MMS22L: variants seen among roughly 807,000 people sequenced by gnomAD.
The protein encoded by MMS22L is protein MMS22-like.
Under a neutral mutation model 159.1 loss-of-function variants are expected in MMS22L, and 74 were observed. The ratio of observed to expected loss-of-function variants is 0.47; its 90% CI spans 0.39 to 0.56. The LOEUF (loss-of-function observed/expected upper bound fraction) is 0.56. MMS22L is among the 20% of genes least tolerant of loss of function. The pLI is 0.00. For synonymous variants in MMS22L, 517 were observed against 506.9 expected (o/e 1.02, Z -0.27); for missense variants, 1,351 against 1,422.1 (o/e 0.95, Z 0.80).
At chr6:97,208,891 C>T (rs987757591) in intron 14 of MMS22L, among the ~76,000 whole-genome samples, 1 of 151,982 alleles carries the variant, frequency 6.6e-6, no homozygotes, top group African/African-American at 2.4e-5. Context: ...TGTATCGCTA[C>T]CTAAAAAACA....
chr6:97,170,170 T>C (rs766790507), intron 19 of MMS22L, among the ~76,000 whole-genome samples: 7 of 152,162 alleles, frequency 4.6e-5, no homozygotes, highest in Non-Finnish European at 8.8e-5. Context: ...CTATCTGCGG[T>C]TTCAGGCATC....
rs141771898 is a variant in MMS22L, at chr6:97,278,038, T to A, written c.340+811A>T. ...GTGACAAGGCCATGATTCTAAACAC[T>A]GCACTGCACCAAAATTACTAGAAAG... On this transcript the variant is annotated intron_variant, in intron 4 of 24. Transcript: ENST00000683635. Among the ~76,000 whole-genome samples the A allele has an allele frequency of 5.9e-5, 9 of 152,276 alleles. No homozygotes were observed. The East Asian group carries it at 1.7e-3, about 29-fold the overall frequency.
At chr6:97,168,628 C>CT (rs1324658681) in intron 19 of MMS22L, among the ~76,000 whole-genome samples, 3 of 152,020 alleles carry the variant, frequency 2.0e-5, no homozygotes, top group Non-Finnish European at 4.4e-5. Flanking sequence ...GGGTGCTCAA[C>CT]TGGTTAAGTA....
rs1816736463 is a variant in MMS22L, at chr6:97,281,315, G to A, written c.212C>T (p.Thr71Ile). Residue 71 changes from threonine to isoleucine, a missense_variant, in exon 3 of 25, where the codon ACC becomes ATC. Thr to Ile is a moderately conservative substitution (Grantham distance 89). Coordinates refer to ENST00000683635, the MANE Select transcript of MMS22L (RefSeq NM_001350599.2). ...CCACTGAATGCCAAATATTTCCAAG[G>A]TATCTTCTTCAAAATTAGTTGGTAA... ...DPLPTNFEED[T>I]LEIFGIQWVT... 3 of 1,608,834 alleles carry A rather than the reference G, an allele frequency of 1.9e-6. No individual in the cohort carries two copies. The highest frequency in any genetic ancestry group is 2.5e-6 in the Non-Finnish European group (3 of 1,177,672).
chr6:97,186,547 T>C lies in MMS22L; in HGVS notation c.2183A>G (p.Gln728Arg). The C allele has an allele frequency of 6.2e-7, 1 of 1,613,266 alleles. No individual in the cohort carries two copies. Among genetic ancestry groups the C allele is most frequent in the Non-Finnish European group, 8.5e-7 (1 of 1,179,634 alleles). ...GAAAGGCACTACCTGTGACATTCTCTGACTCTTCAAAAATGAAAAGAAATG... is the reference window on the plus strand; with the variant it reads ...GAAAGGCACTACCTGTGACATTCTCCGACTCTTCAAAAATGAAAAGAAATG... ...WRHFFSFLKS[Q>R]RMSQVVPFSQ... The change falls in exon 15 of 25, where the codon CAG (glutamine) becomes CGG (arginine). Residue 728 changes from glutamine (Q) to arginine (R), a missense_variant. Gln to Arg is a conservative substitution (Grantham distance 43). Transcript: ENST00000683635.
chr6:97,237,118 TGAAAA>T (rs2128014727), intron 11 of MMS22L, among the ~76,000 whole-genome samples: 1 of 151,498 alleles, frequency 6.6e-6, no homozygotes, highest in African/African-American at 2.4e-5. Flanking sequence ...ACGGGCAAAA[TGAAAA>T]GAAAAATGAA....
Position 97,178,452 on chromosome 6 carries a change from T to A in MMS22L, c.2670A>T (p.Arg890=), listed in dbSNP as rs989497990. Residue 890 remains arginine, a synonymous_variant, in exon 18 of 25, where the codon CGA becomes CGT. Transcript: ENST00000683635. ...ISEDPKKALV[R]FFEAVGVTYG... is the part of the protein sequence containing the mutation. Reference sequence around the variant, plus strand: ...AATAAATGACAAATACCTCAAAGAATCGAACAAGTGCTTTTTTAGGGTCTT... The same window carrying A: ...AATAAATGACAAATACCTCAAAGAAACGAACAAGTGCTTTTTTAGGGTCTT... 4 of 1,548,276 alleles carry A rather than the reference T, an allele frequency of 2.6e-6. No homozygotes were observed. The Admixed American group carries it at 7.8e-5, about 30-fold the overall frequency.
intron 19 of MMS22L, among the ~76,000 whole-genome samples, chr6:97,171,935 T>C (rs1034164411): frequency 1.3e-5 from 2 of 152,190 alleles, no homozygotes; most frequent in Non-Finnish European, 2.9e-5. Flanking sequence ...ACTGTAGCAA[T>C]ATACTCTTCC....
At chr6:97,163,888 T>C (rs1484951244) in intron 21 of MMS22L, among the ~76,000 whole-genome samples, 1 of 152,000 alleles carries the variant, frequency 6.6e-6, no homozygotes, top group Non-Finnish European at 1.5e-5. Context: ...TGAATCTTAT[T>C]AGGGGTTGTA....
chr6:97,173,287 A>C, intron 18 of MMS22L, 65 bp from the exon 19 acceptor site: 1 of 1,519,272 alleles, frequency 6.6e-7, no homozygotes, highest in Non-Finnish European at 9.0e-7. Context: ...TGGAACATAA[A>C]GATAATTTTT....
intron 11 of MMS22L, among the ~76,000 whole-genome samples, chr6:97,241,328 C>T (rs768377351): frequency 1.3e-5 from 2 of 152,192 alleles, no homozygotes; most frequent in Non-Finnish European, 2.9e-5. Flanking sequence ...AGCCATGGCA[C>T]TGATAGATCA....
chr6:97,181,862 C>T (rs758339661), intron 16 of MMS22L, 42 bp downstream of exon 16: 1 of 1,581,348 alleles, frequency 6.3e-7, no homozygotes, highest in South Asian at 1.2e-5. Context: ...TGATCTGTCA[C>T]AGGTTTGCAT....
At chr6:97,196,156 A>T (rs890143932) in intron 14 of MMS22L, among the ~76,000 whole-genome samples, 1 of 152,198 alleles carries the variant, frequency 6.6e-6, no homozygotes, top group Non-Finnish European at 1.5e-5. Context: ...TAATTACATG[A>T]GCCATTGTAC....
At chr6:97,202,964 GT>G (rs1038529678) in intron 14 of MMS22L, among the ~76,000 whole-genome samples, 1 of 152,056 alleles carries the variant, frequency 6.6e-6, no homozygotes, top group Non-Finnish European at 1.5e-5. Flanking sequence ...TTCCAGCCTT[GT>G]TTTTATGCAT....
chr6:97,156,261 C>A (rs556862186), intron 22 of MMS22L, among the ~76,000 whole-genome samples: 1 of 152,174 alleles, frequency 6.6e-6, no homozygotes, highest in East Asian at 1.9e-4. Flanking sequence ...AATTTTCTCT[C>A]ATTCTGTAGG....
intron 6 of MMS22L, chr6:97,270,224 G>T: frequency 1.7e-6 from 1 of 604,420 alleles, no homozygotes; most frequent in African/African-American, 1.8e-5. Flanking sequence ...CCACCTTGGG[G>T]CTGCTGAATA....
At chr6:97,208,175 TG>T (rs1237065955) in intron 14 of MMS22L, among the ~76,000 whole-genome samples, 9 of 152,246 alleles carry the variant, frequency 5.9e-5, no homozygotes, top group African/African-American at 2.2e-4. Context: ...ATCCCAGTCA[TG>T]ACTTCAAAAC....
At chr6:97,264,227 C>A (rs1814826445) in intron 8 of MMS22L, 1 of 152,052 alleles carries the variant, frequency 6.6e-6, no homozygotes. Context: ...TGCCCTGAGT[C>A]ATCTACAACA....
At chr6:97,232,827 T>G (rs1811009647) in intron 12 of MMS22L, among the ~76,000 whole-genome samples, 1 of 152,164 alleles carries the variant, frequency 6.6e-6, no homozygotes, top group African/African-American at 2.4e-5. Context: ...ATTACCATTT[T>G]CTATTTTGAT....
Sources: gnomAD v4.1 joint callset for allele counts (sites outside exome capture counted in the v4.1 genomes callset) on GRCh38, gnomAD v4.1.1 for gene constraint, MANE v1.5 for transcripts, NCBI Gene and HGNC (gene_info 2026-07-23, HGNC 2026-07-21) for gene names.